CNKSR2: variants seen among roughly 807,000 people sequenced by gnomAD.
CNKSR2 encodes the protein CNK homolog protein 2.
CNKSR2 carries 14 observed loss-of-function variants against 84.4 expected under a neutral mutation model. The ratio of observed to expected loss-of-function variants is 0.17; its 90% CI spans 0.11 to 0.26. CNKSR2 has a LOEUF of 0.26. Ranked by LOEUF, CNKSR2 falls within the 10% of genes least tolerant of loss-of-function variation. CNKSR2 has a pLI of 1.00. For missense variants in CNKSR2, 485 were observed against 771.2 expected (o/e 0.63, Z 4.40); for synonymous variants, 275 against 277.9 (o/e 0.99, Z 0.10).
chrX:21,526,956 G>A lies in CNKSR2; in HGVS notation c.1047G>A (p.Gln349=). 1.7e-6 allele frequency: 2 copies of A among 1,205,933 alleles called. No individual in the cohort carries two copies. Among genetic ancestry groups the A allele is most frequent in the Non-Finnish European group, 2.2e-6 (2 of 891,231 alleles). Residue 349 remains glutamine, a synonymous_variant, in exon 10 of 22, where the codon CAG becomes CAA. Coordinates refer to ENST00000379510, the MANE Select transcript of CNKSR2 (RefSeq NM_014927.5). ...CCAAAAGAGACAGTTCTGCCCTCCAGGATCTCTACATTCCCCCTCCTCCTG... is the reference window on the plus strand; with the variant it reads ...CCAAAAGAGACAGTTCTGCCCTCCAAGATCTCTACATTCCCCCTCCTCCTG... ...TPTKRDSSAL[Q]DLYIPPPPAE...
chrX:21,622,384 T>C (rs1343059188), intron 20 of CNKSR2, among the ~76,000 whole-genome samples: 1 of 111,204 alleles, frequency 9.0e-6, no homozygotes, highest in East Asian at 2.8e-4. Flanking sequence ...AGGCTTGTTC[T>C]AAAGAAGTTC....
chrX:21,499,098 G>A (rs1010435965), intron 7 of CNKSR2, among the ~76,000 whole-genome samples: 1 of 111,592 alleles, frequency 9.0e-6, no homozygotes, highest in African/African-American at 3.2e-5. Flanking sequence ...GAGAGTCGTA[G>A]GGATCAAGAA....
chrX:21,400,080 A>G (rs1198210780), intron 1 of CNKSR2, among the ~76,000 whole-genome samples: 1 of 111,211 alleles, frequency 9.0e-6, no homozygotes, highest in Non-Finnish European at 1.9e-5. Context: ...ATATGCAAAG[A>G]TCATAGTAGA....
Position 21,544,027 on chromosome X carries a change from T to C in CNKSR2, c.1303+11960T>C, listed in dbSNP as rs192826591. Among the ~76,000 whole-genome samples, 80 of 111,255 alleles carry C rather than the reference T, an allele frequency of 7.2e-4. 1 individual carries two copies. Among genetic ancestry groups the C allele is most frequent in the African/African-American group, 2.3e-3 (71 of 30,579 alleles). On this transcript the variant is annotated intron_variant, in intron 11 of 21. Coordinates refer to ENST00000379510, the MANE Select transcript of CNKSR2 (RefSeq NM_014927.5). ...TGCCTCATAGAAAGTACTCAAGAAA[T>C]GATGCCTTAGATGGTATAATAAATG...
intron 13 of CNKSR2, among the ~76,000 whole-genome samples, chrX:21,572,555 A>G (rs772004848): frequency 8.9e-6 from 1 of 111,796 alleles, no homozygotes; most frequent in South Asian, 3.8e-4. Context: ...GGGAGGCCTC[A>G]GGAAACTTAC....
chrX:21,617,030 C>A (rs1458839478), intron 20 of CNKSR2, among the ~76,000 whole-genome samples: 2 of 111,687 alleles, frequency 1.8e-5, no homozygotes, highest in Non-Finnish European at 3.8e-5. Flanking sequence ...GAAGATGTGG[C>A]CAGAAGAGAG....
chrX:21,426,425 T>C (rs905371495), intron 1 of CNKSR2, 72 bp from the exon 2 acceptor site: 1 of 1,019,315 alleles, frequency 9.8e-7, no homozygotes, highest in African/African-American at 1.9e-5. Flanking sequence ...AATGCTTGCT[T>C]CTAACCCACC....
At chrX:21,469,197 A>C (rs776292542) in intron 4 of CNKSR2, among the ~76,000 whole-genome samples, 8 of 111,717 alleles carry the variant, frequency 7.2e-5, no homozygotes, top group Non-Finnish European at 1.3e-4. Flanking sequence ...AAGGTAGGCA[A>C]ATAATGGAAT....
intron 1 of CNKSR2, among the ~76,000 whole-genome samples, chrX:21,409,903 C>A (rs926336694): frequency 9.0e-6 from 1 of 110,927 alleles, no homozygotes; most frequent in East Asian, 2.8e-4. Flanking sequence ...GCTTACAGTT[C>A]CTTTGTTGTC....
intron 11 of CNKSR2, among the ~76,000 whole-genome samples, chrX:21,548,851 G>A (rs1162120611): frequency 8.9e-6 from 1 of 111,933 alleles, no homozygotes; most frequent in Non-Finnish European, 1.9e-5. Flanking sequence ...TGCAGAAAAG[G>A]CCTCCAGTAA....
At chrX:21,460,874 A>G (rs749292662) in intron 4 of CNKSR2, among the ~76,000 whole-genome samples, 1 of 112,109 alleles carries the variant, frequency 8.9e-6, no homozygotes, top group South Asian at 3.7e-4. Context: ...AAATGACTGA[A>G]TCTCATTTTT....
intron 5 of CNKSR2, among the ~76,000 whole-genome samples, chrX:21,475,467 C>G (rs1032955239): frequency 1.8e-5 from 2 of 111,713 alleles, no homozygotes; most frequent in Admixed American, 1.9e-4. Flanking sequence ...TAATGCCAGG[C>G]AGATTTAGAA....
intron 1 of CNKSR2, among the ~76,000 whole-genome samples, chrX:21,418,835 T>C (rs998031256): frequency 4.5e-5 from 5 of 111,202 alleles, no homozygotes; most frequent in African/African-American, 1.6e-4. Context: ...TTCTGCTTGA[T>C]TCTTTTAAAT....
At chrX:21,567,458 T>G (rs2092248407) in intron 13 of CNKSR2, among the ~76,000 whole-genome samples, 1 of 111,538 alleles carries the variant, frequency 9.0e-6, no homozygotes. Flanking sequence ...TCTCAGTGTC[T>G]TCAACCTGCA....
chrX:21,461,539 A>G (rs1460247419), intron 4 of CNKSR2, among the ~76,000 whole-genome samples: 1 of 111,181 alleles, frequency 9.0e-6, no homozygotes, highest in African/African-American at 3.3e-5. Flanking sequence ...TTTTAACTTG[A>G]TGTGATCCCA....
At chrX:21,509,621 A>T (rs1475853389) in intron 8 of CNKSR2, among the ~76,000 whole-genome samples, 1 of 111,936 alleles carries the variant, frequency 8.9e-6, no homozygotes, top group African/African-American at 3.2e-5. Context: ...TACCTGAACC[A>T]TGACTAATTC....
chrX:21,477,936 T>C (rs756992722), intron 5 of CNKSR2, among the ~76,000 whole-genome samples: 2 of 112,178 alleles, frequency 1.8e-5, no homozygotes, highest in African/African-American at 6.5e-5. Flanking sequence ...ATGAAGCAGC[T>C]TTTGCCAGTT....
intron 20 of CNKSR2, among the ~76,000 whole-genome samples, chrX:21,635,379 TGTGTG>T (rs1883187687): frequency 2.4e-5 from 1 of 40,905 alleles, no homozygotes; most frequent in Admixed American, 1.9e-4. Context: ...CTAAAATAAA[TGTGTG>T]TGTGTGTGTG....
chrX:21,396,846 G>A (rs1273217795), intron 1 of CNKSR2, among the ~76,000 whole-genome samples: 2 of 111,690 alleles, frequency 1.8e-5, no homozygotes, highest in Non-Finnish European at 3.8e-5. Context: ...TGAAAGCTCA[G>A]AAATAGTATG....
Sources: allele counts gnomAD v4.1 joint callset (sites outside exome capture counted in the v4.1 genomes callset), GRCh38; gene constraint gnomAD v4.1.1; transcripts MANE v1.5; gene names NCBI Gene and HGNC (gene_info 2026-07-23, HGNC 2026-07-21).